CYRIB: variants seen among roughly 807,000 people sequenced by gnomAD.
CYRIB encodes CYFIP-related Rac1 interactor B.
A neutral mutation model predicts 44.2 loss-of-function variants in CYRIB; 8 were observed. The observed-to-expected ratio is 0.18, with a 90% CI of 0.11 to 0.33. The LOEUF (loss-of-function observed/expected upper bound fraction) is 0.33, where lower values mean the gene tolerates loss of function less well. Among genes scored for constraint, CYRIB ranks in the 10% least tolerant of loss-of-function variants. The pLI is 1.00. For missense variants in CYRIB, 185 were observed against 382.8 expected (o/e 0.48, Z 4.31); for synonymous variants, 131 against 127.2 (o/e 1.03, Z -0.20).
At chr8:130,004,395 C>T (rs1056708393) in intron 1 of CYRIB, 1 of 152,088 alleles carries the variant, frequency 6.6e-6, no homozygotes, top group African/African-American at 2.4e-5. Flanking sequence ...GTGTGCCACC[C>T]AGCCATACCC....
At chr8:129,998,357 T>C (rs549419064) in intron 1 of CYRIB, among the ~76,000 whole-genome samples, 1 of 151,946 alleles carries the variant, frequency 6.6e-6, no homozygotes, top group Non-Finnish European at 1.5e-5. Flanking sequence ...TGAACATGAG[T>C]GGCAAAGATG....
chr8:129,928,095 T>C (rs771214367), intron 1 of CYRIB, among the ~76,000 whole-genome samples: 1 of 151,060 alleles, frequency 6.6e-6, no homozygotes, highest in African/African-American at 2.4e-5. Context: ...TTCTTAGATA[T>C]GACACACACT....
chr8:129,907,966 C>CGTAA (rs754766019), intron 1 of CYRIB, among the ~76,000 whole-genome samples: 1 of 152,204 alleles, frequency 6.6e-6, no homozygotes, highest in Non-Finnish European at 1.5e-5. Flanking sequence ...CACACCATTA[C>CGTAA]ACTCCAGCCT....
chr8:129,893,553 T>C (rs2066412274), intron 2 of CYRIB, among the ~76,000 whole-genome samples: 3 of 152,212 alleles, frequency 2.0e-5, no homozygotes. Context: ...AAAATACTAT[T>C]CACAGTCTGT....
At chr8:129,984,050 C>T (rs2096359427) in intron 1 of CYRIB, among the ~76,000 whole-genome samples, 1 of 152,256 alleles carries the variant, frequency 6.6e-6, no homozygotes, top group Non-Finnish European at 1.5e-5. Flanking sequence ...TGCTGCACAG[C>T]TGGGGCCTCC....
At chr8:129,893,296 T>C (rs1476485989) in intron 2 of CYRIB, among the ~76,000 whole-genome samples, 1 of 152,164 alleles carries the variant, frequency 6.6e-6, no homozygotes, top group Non-Finnish European at 1.5e-5. Flanking sequence ...TGTCTGCCAA[T>C]GGCTATGATG....
At chr8:129,937,303 T>C (rs1243850651) in intron 1 of CYRIB, among the ~76,000 whole-genome samples, 3 of 152,286 alleles carry the variant, frequency 2.0e-5, no homozygotes, top group African/African-American at 4.8e-5. Flanking sequence ...TAAGAGAAAA[T>C]TGTAGGTTCT....
chr8:129,885,626 T>C (rs7812685), intron 2 of CYRIB, among the ~76,000 whole-genome samples: 8,640 of 152,096 alleles, frequency 0.057, 823 homozygotes, highest in African/African-American at 0.19. Context: ...CCTTATCACC[T>C]CTGCTCCCAG....
chr8:129,943,759 C>T (rs1235715882), upstream of CYRIB, among the ~76,000 whole-genome samples: 2 of 150,668 alleles, frequency 1.3e-5, no homozygotes, highest in Non-Finnish European at 3.0e-5. Context: ...CCATCACGCC[C>T]GGCTAACTTT....
chr8:129,970,131 G>A (rs1157304503), intron 2 of CYRIB, among the ~76,000 whole-genome samples: 7 of 152,122 alleles, frequency 4.6e-5, no homozygotes, highest in Non-Finnish European at 1.0e-4. Flanking sequence ...CAAGCTGTAC[G>A]ATTAAGATTT....
chr8:129,929,875 G>A (rs2090188690), intron 1 of CYRIB, among the ~76,000 whole-genome samples: 1 of 152,094 alleles, frequency 6.6e-6, no homozygotes. Context: ...CCTACTTTAT[G>A]ACTTAGGACA....
In CYRIB at chr8:129,915,623, G is replaced by T. The variant is rs116050850; in HGVS notation, c.-49-12273C>A. 9.0e-3 allele frequency among the ~76,000 whole-genome samples: 1,374 copies of T among 152,260 alleles called. 18 individuals carry two copies. The highest frequency in any genetic ancestry group is 0.032 in the African/African-American group (1,309 of 41,542). On this transcript the variant is annotated intron_variant, in intron 1 of 11. Coordinates refer to ENST00000519824, the Ensembl canonical transcript of CYRIB. Reference sequence around the variant, plus strand: ...TGAAGGTGATTATGTTCATTATCTTGATTGTGGTGATGGTTTCATAGGTGA... The same window carrying T: ...TGAAGGTGATTATGTTCATTATCTTTATTGTGGTGATGGTTTCATAGGTGA...
At chr8:129,997,236 C>T (rs2133704131) in intron 1 of CYRIB, among the ~76,000 whole-genome samples, 1 of 152,242 alleles carries the variant, frequency 6.6e-6, no homozygotes, top group African/African-American at 2.4e-5. Context: ...GGAGACACCA[C>T]ACAATCCTTC....
rs574802397 is a variant in CYRIB at position 130,013,775 on chromosome 8, G to A, written c.-296+2595C>T. Among the ~76,000 whole-genome samples, 6 of 152,340 alleles carry A rather than the reference G, an allele frequency of 3.9e-5. No individual in the cohort carries two copies. The South Asian group carries it at 1.0e-3, about 26-fold the overall frequency. On this transcript the variant is annotated intron_variant, in intron 1 of 14. Coordinates refer to the CYRIB transcript ENST00000401979. ...CAGGGACCAGGATTCCACATAGGGA[G>A]GAACCACGGGACAACCATTTCAAGG... is the stretch of plus-strand genomic sequence containing the variant.
intron 1 of CYRIB, among the ~76,000 whole-genome samples, chr8:129,918,432 G>C (rs1236388094): frequency 1.3e-5 from 2 of 152,186 alleles, no homozygotes; most frequent in Non-Finnish European, 2.9e-5. Context: ...TCTTTATCCT[G>C]AAAGTAGTTA....
chr8:129,938,634 C>A (rs987343759), intron 1 of CYRIB, among the ~76,000 whole-genome samples: 1 of 152,286 alleles, frequency 6.6e-6, no homozygotes, highest in African/African-American at 2.4e-5. Context: ...ATGTTGCTGA[C>A]AGATGAGACA....
intron 2 of CYRIB, among the ~76,000 whole-genome samples, chr8:129,888,349 C>T (rs1417862614): frequency 5.9e-5 from 9 of 152,272 alleles, no homozygotes; most frequent in African/African-American, 1.9e-4. Context: ...ATGAGTCAAT[C>T]AAACCTCTTT....
At chr8:130,001,070 A>T (rs1592196682) in intron 1 of CYRIB, among the ~76,000 whole-genome samples, 1 of 152,196 alleles carries the variant, frequency 6.6e-6, no homozygotes, top group South Asian at 2.1e-4. Context: ...ACAGGCAAAG[A>T]TGACAAGTGG....
intron 3 of CYRIB, among the ~76,000 whole-genome samples, chr8:129,873,766 T>C (rs1456369117): frequency 1.3e-5 from 2 of 152,062 alleles, no homozygotes; most frequent in Non-Finnish European, 2.9e-5. Flanking sequence ...TAGACTTAAG[T>C]AGACCTTGTA....
Sources: gnomAD v4.1 joint callset for allele counts (sites outside exome capture counted in the v4.1 genomes callset) on GRCh38, gnomAD v4.1.1 for gene constraint, MANE v1.5 for transcripts, NCBI Gene and HGNC (gene_info 2026-07-23, HGNC 2026-07-21) for gene names.